The following WDR70 variants were observed in gnomAD, a reference collection of about 807,000 sequenced individuals.
The protein encoded by WDR70 is WD repeat domain 70.
A neutral mutation model predicts 88.6 loss-of-function variants in WDR70; 53 were observed. The observed-to-expected ratio is 0.60, with a 90% CI of 0.48 to 0.75. The LOEUF is 0.75. Among genes scored for constraint, WDR70 ranks in the 30% least tolerant of loss-of-function variants. The pLI, the probability that WDR70 is intolerant of heterozygous loss-of-function variation, is 0.00. For synonymous variants in WDR70, 280 were observed against 270.0 expected (o/e 1.04, Z -0.36); for missense variants, 610 against 823.2 (o/e 0.74, Z 3.17).
At chr5:37,400,090 G>A (rs1163586871) in intron 5 of WDR70, among the ~76,000 whole-genome samples, 2 of 151,830 alleles carry the variant, frequency 1.3e-5, no homozygotes, top group Non-Finnish European at 2.9e-5. Context: ...CTGCCACCAC[G>A]CCTGGCTAAT....
intron 10 of WDR70, among the ~76,000 whole-genome samples, chr5:37,633,041 T>C (rs1199467859): frequency 6.6e-6 from 1 of 152,252 alleles, no homozygotes; most frequent in African/African-American, 2.4e-5. Flanking sequence ...TATAGTAATA[T>C]TCTGTACAGG....
intron 10 of WDR70, among the ~76,000 whole-genome samples, chr5:37,686,951 A>AAATAATAATAATAATAAT (rs70978838): frequency 3.1e-4 from 44 of 143,094 alleles, no homozygotes; most frequent in African/African-American, 1.1e-3. Context: ...CTCTGTCTCA[A>AAATAATAATAATAATAAT]AATAATAATA....
At chr5:37,559,646 A>G (rs1581392997) in intron 9 of WDR70, among the ~76,000 whole-genome samples, 1 of 152,048 alleles carries the variant, frequency 6.6e-6, no homozygotes, top group South Asian at 2.1e-4. Context: ...GGGGTTCAAG[A>G]CCAGCCTGGC....
intron 9 of WDR70, among the ~76,000 whole-genome samples, chr5:37,521,741 C>T (rs914764640): frequency 8.4e-5 from 12 of 143,436 alleles, no homozygotes; most frequent in Middle Eastern, 3.7e-3. Context: ...CACACACACA[C>T]CCACATGTTC....
intron 7 of WDR70, among the ~76,000 whole-genome samples, chr5:37,461,448 C>T (rs1308464961): frequency 6.6e-6 from 1 of 151,972 alleles, no homozygotes; most frequent in Admixed American, 6.5e-5. Context: ...TGGGGAGTCT[C>T]TCCTCTATGT....
intron 10 of WDR70, among the ~76,000 whole-genome samples, chr5:37,610,404 T>C (rs1467228818): frequency 1.3e-5 from 2 of 152,102 alleles, no homozygotes; most frequent in East Asian, 3.8e-4. Flanking sequence ...TGGGATCCTG[T>C]AATTTTACCT....
intron 8 of WDR70, among the ~76,000 whole-genome samples, chr5:37,510,673 T>G (rs556817903): frequency 1.3e-5 from 2 of 152,322 alleles, no homozygotes; most frequent in South Asian, 4.1e-4. Flanking sequence ...ACTGATTATC[T>G]CAACAATCTG....
At chr5:37,679,203 T>A (rs913370936) in intron 10 of WDR70, among the ~76,000 whole-genome samples, 1 of 152,096 alleles carries the variant, frequency 6.6e-6, no homozygotes, top group African/African-American at 2.4e-5. Flanking sequence ...CGTAGTAGTT[T>A]GATCGTCTGA....
chr5:37,743,517 A>G (rs1353514212), intron 17 of WDR70, among the ~76,000 whole-genome samples: 3 of 152,184 alleles, frequency 2.0e-5, no homozygotes, highest in Non-Finnish European at 2.9e-5. Context: ...CTAACACGCT[A>G]AGCTCTCTGG....
At chr5:37,489,712 T>G (rs1740005723) in intron 8 of WDR70, among the ~76,000 whole-genome samples, 1 of 151,736 alleles carries the variant, frequency 6.6e-6, no homozygotes, top group African/African-American at 2.4e-5. Context: ...GGTAGGGTGG[T>G]GTGGTAGGGC....
chr5:37,411,123 G>GT (rs1159842900), intron 5 of WDR70, among the ~76,000 whole-genome samples: 1 of 152,018 alleles, frequency 6.6e-6, no homozygotes, highest in Non-Finnish European at 1.5e-5. Context: ...GTAACTATTT[G>GT]TTTTTTTATT....
intron 6 of WDR70, among the ~76,000 whole-genome samples, chr5:37,440,495 G>A (rs905062688): frequency 1.4e-4 from 21 of 152,168 alleles, no homozygotes; most frequent in African/African-American, 3.9e-4. Flanking sequence ...ACTGGCGCTC[G>A]CCACAACACC....
intron 8 of WDR70, among the ~76,000 whole-genome samples, chr5:37,496,894 T>C (rs1740233437): frequency 6.6e-6 from 1 of 152,134 alleles, no homozygotes; most frequent in South Asian, 2.1e-4. Flanking sequence ...GAGATGTCAG[T>C]GGAGATGGAG....
intron 5 of WDR70, among the ~76,000 whole-genome samples, chr5:37,437,527 C>T (rs1006587845): frequency 7.2e-5 from 11 of 152,100 alleles, no homozygotes; most frequent in South Asian, 2.1e-4. Context: ...TCAACCTTTT[C>T]GCTCCTCTTG....
intron 7 of WDR70, among the ~76,000 whole-genome samples, chr5:37,463,449 T>C (rs1739071354): frequency 6.6e-6 from 1 of 152,044 alleles, no homozygotes; most frequent in Non-Finnish European, 1.5e-5. Flanking sequence ...CAAACAGCTG[T>C]GTTTATCTGT....
chr5:37,487,834 C>T (rs1223827776), intron 8 of WDR70, among the ~76,000 whole-genome samples: 1 of 151,620 alleles, frequency 6.6e-6, no homozygotes, highest in Non-Finnish European at 1.5e-5. Context: ...CCATGTTGGC[C>T]AGTCTGGTCT....
At chr5:37,599,399 TCA>T (rs1743796396) in intron 9 of WDR70, among the ~76,000 whole-genome samples, 2 of 152,212 alleles carry the variant, frequency 1.3e-5, no homozygotes, top group African/African-American at 4.8e-5. Context: ...CTCAGAATAT[TCA>T]TTCAATCAAA....
chr5:37,629,261 C>T (rs973147191), intron 10 of WDR70, among the ~76,000 whole-genome samples: 9 of 152,126 alleles, frequency 5.9e-5, no homozygotes, highest in Non-Finnish European at 1.2e-4. Flanking sequence ...CAGAGAGGAC[C>T]TGTTTGGGTT....
At chr5:37,419,412 GC>G (rs1478611322) in intron 5 of WDR70, among the ~76,000 whole-genome samples, 1 of 150,658 alleles carries the variant, frequency 6.6e-6, no homozygotes, top group African/African-American at 2.4e-5. Flanking sequence ...CACCATCTTG[GC>G]CAGGCTGGTC....
Sources: allele counts gnomAD v4.1 joint callset (sites outside exome capture counted in the v4.1 genomes callset), GRCh38; gene constraint gnomAD v4.1.1; transcripts MANE v1.5; gene names NCBI Gene and HGNC (gene_info 2026-07-23, HGNC 2026-07-21).